Variants in ROBO2 observed in about 807,000 individuals in gnomAD.
The protein encoded by ROBO2 is roundabout guidance receptor 2, also known as roundabout homolog 2.
In ROBO2, 53 loss-of-function variants were observed where a neutral mutation model predicts 160.8. That is an observed-to-expected ratio of 0.33 (90% CI 0.26 to 0.41). ROBO2 has a LOEUF of 0.41. Among genes scored for constraint, ROBO2 ranks in the 10% least tolerant of loss-of-function variants. The probability of loss-of-function intolerance (pLI) is 1.00; values close to 1 mark genes in which losing one functional copy is unlikely to be tolerated. For missense variants in ROBO2, 1,577 were observed against 1,722.4 expected (o/e 0.92, Z 1.49); for synonymous variants, 664 against 611.7 (o/e 1.09, Z -1.26).
At chr3:76,281,736 A>G (rs1381842881) in intron 2 of ROBO2, among the ~76,000 whole-genome samples, 1 of 152,002 alleles carries the variant, frequency 6.6e-6, no homozygotes, top group African/African-American at 2.4e-5. Flanking sequence ...AAGAAGTATA[A>G]TTACCCTTTT....
intron 2 of ROBO2, among the ~76,000 whole-genome samples, chr3:77,007,970 A>G (rs950374062): frequency 2.0e-5 from 3 of 152,064 alleles, no homozygotes; most frequent in African/African-American, 7.2e-5. Flanking sequence ...CCAATTTGAT[A>G]TATACTATTA....
intron 2 of ROBO2, among the ~76,000 whole-genome samples, chr3:76,929,481 C>T (rs1017304534): frequency 2.6e-5 from 4 of 152,204 alleles, no homozygotes; most frequent in African/African-American, 9.7e-5. Context: ...ACACAACACT[C>T]ACTACTATCA....
At chr3:76,809,870 A>G (rs2065025905) in intron 2 of ROBO2, among the ~76,000 whole-genome samples, 1 of 152,142 alleles carries the variant, frequency 6.6e-6, no homozygotes, top group African/African-American at 2.4e-5. Flanking sequence ...ATGGCAGAAT[A>G]CAAAATTGAC....
intron 2 of ROBO2, among the ~76,000 whole-genome samples, chr3:76,939,430 C>T (rs2078001802): frequency 6.6e-6 from 1 of 152,082 alleles, no homozygotes; most frequent in African/African-American, 2.4e-5. Flanking sequence ...ATAAGATTTC[C>T]TTCTTGTGAA....
chr3:77,610,097 T>C (rs1198264017), intron 21 of ROBO2, among the ~76,000 whole-genome samples: 2 of 151,722 alleles, frequency 1.3e-5, no homozygotes, highest in African/African-American at 4.8e-5. Flanking sequence ...GTCCATTTTT[T>C]GATATTCTTT....
chr3:77,205,266 A>G (rs2083312953), intron 2 of ROBO2, among the ~76,000 whole-genome samples: 1 of 151,976 alleles, frequency 6.6e-6, no homozygotes, highest in Non-Finnish European at 1.5e-5. Flanking sequence ...TGGCGGAGGT[A>G]GCTCTCAGTG....
chr3:76,735,357 G>A (rs2093691687), intron 2 of ROBO2, among the ~76,000 whole-genome samples: 1 of 152,170 alleles, frequency 6.6e-6, no homozygotes, highest in South Asian at 2.1e-4. Flanking sequence ...AATACTGCAT[G>A]TTCTTACTTG....
chr3:76,468,412 C>T (rs530061202), intron 2 of ROBO2, among the ~76,000 whole-genome samples: 18 of 152,138 alleles, frequency 1.2e-4, no homozygotes, highest in African/African-American at 3.6e-4. Flanking sequence ...GCACACTCTC[C>T]AATATTGGAA....
chr3:77,503,236 A>G (rs1014699252), intron 5 of ROBO2, among the ~76,000 whole-genome samples: 1 of 151,482 alleles, frequency 6.6e-6, no homozygotes, highest in African/African-American at 2.4e-5. Flanking sequence ...AATAATAATA[A>G]TATAAATGGC....
chr3:76,732,987 C>G lies in ROBO2; in HGVS notation c.110-365027C>G, dbSNP rs1392693529. Among the ~76,000 whole-genome samples the G allele has an allele frequency of 1.1e-4, 12 of 108,784 alleles. No homozygotes were observed. In the East Asian group the frequency reaches 1.5e-3, roughly 14 times the overall value. The allele number at this position is 108,784 out of a possible 152,430, so 71.4% of individuals were successfully genotyped here. A position where few individuals can be genotyped will look rare whatever the true frequency, so the allele number is the denominator to read the frequency against. ...AGCATACTGATGACATTTCAGTTGACTGGGGGTGGGGGGGGGAGGTGTTTC... is the reference window on the plus strand; with the variant it reads ...AGCATACTGATGACATTTCAGTTGAGTGGGGGTGGGGGGGGGAGGTGTTTC... On this transcript the variant is annotated intron_variant, in intron 2 of 26. Transcript: ENST00000487694.
intron 2 of ROBO2, among the ~76,000 whole-genome samples, chr3:76,309,202 G>T (rs1285239609): frequency 1.3e-5 from 2 of 152,128 alleles, no homozygotes; most frequent in Non-Finnish European, 2.9e-5. Flanking sequence ...CTGTTTACTT[G>T]CATTTAAAGA....
intron 2 of ROBO2, among the ~76,000 whole-genome samples, chr3:76,454,640 G>T (rs2077657152): frequency 6.6e-6 from 1 of 152,062 alleles, no homozygotes; most frequent in South Asian, 2.1e-4. Flanking sequence ...TCCATCAACT[G>T]TTATTCTGTG....
At chr3:76,019,801 T>C (rs539457) in intron 2 of ROBO2, among the ~76,000 whole-genome samples, 2 of 150,826 alleles carry the variant, frequency 1.3e-5, no homozygotes, top group Non-Finnish European at 3.0e-5. Context: ...TCCCCACATG[T>C]TTAGGTTTTC....
chr3:77,568,192 A>G, intron 12 of ROBO2, 121 bp from the exon 14 acceptor site: 1 of 1,073,656 alleles, frequency 9.3e-7, no homozygotes, highest in Non-Finnish European at 1.4e-6. Context: ...TTGTCACAAG[A>G]GAGTTTTCGT....
chr3:76,757,552 A>G (rs2061046763), intron 2 of ROBO2, among the ~76,000 whole-genome samples: 1 of 151,790 alleles, frequency 6.6e-6, no homozygotes, highest in Non-Finnish European at 1.5e-5. Flanking sequence ...AGTGTTAAGA[A>G]TAATCAATTT....
intron 2 of ROBO2, among the ~76,000 whole-genome samples, chr3:76,093,044 A>T (rs1259101527): frequency 6.6e-6 from 1 of 152,220 alleles, no homozygotes; most frequent in Non-Finnish European, 1.5e-5. Context: ...GTGGTTGATT[A>T]TGTCTGTTTT....
intron 2 of ROBO2, among the ~76,000 whole-genome samples, chr3:76,670,321 G>GTT (rs34588032): frequency 2.3e-3 from 342 of 145,836 alleles, no homozygotes; most frequent in African/African-American, 6.3e-3. Context: ...CCTGTAGTAG[G>GTT]TTTTTTTTTT....
At chr3:77,605,337 C>T (rs2094506272) in intron 20 of ROBO2, among the ~76,000 whole-genome samples, 1 of 152,044 alleles carries the variant, frequency 6.6e-6, no homozygotes, top group African/African-American at 2.4e-5. Context: ...CAGCAACAGA[C>T]TGTGGCTTAC....
At chr3:75,971,234 T>C (rs1054185883) in intron 2 of ROBO2, among the ~76,000 whole-genome samples, 1 of 151,438 alleles carries the variant, frequency 6.6e-6, no homozygotes, top group East Asian at 2.0e-4. Flanking sequence ...ATGTTCTTTG[T>C]ACCATGAAAG....
Sources: gnomAD v4.1 joint callset for allele counts (sites outside exome capture counted in the v4.1 genomes callset) on GRCh38, gnomAD v4.1.1 for gene constraint, MANE v1.5 for transcripts, NCBI Gene and HGNC (gene_info 2026-07-23, HGNC 2026-07-21) for gene names.